Variants in SLC28A2 observed in about 807,000 individuals in gnomAD.
The protein encoded by SLC28A2 is solute carrier family 28 member 2.
SLC28A2 carries 69 observed loss-of-function variants against 72.9 expected under a neutral mutation model. The ratio of observed to expected loss-of-function variants is 0.95; its 90% CI spans 0.78 to 1.16. The LOEUF (loss-of-function observed/expected upper bound fraction) is 1.16. Among genes scored for constraint, SLC28A2 ranks in the 50% most tolerant of loss-of-function variants. The pLI is 0.00. For synonymous variants in SLC28A2, 296 were observed against 294.1 expected, an observed-to-expected ratio of 1.01 and a Z score of -0.07; for missense variants, 745 against 791.1, an observed-to-expected ratio of 0.94 and a Z score of 0.70.
chr15:45,265,477 C>G, intron 8 of SLC28A2, 106 bp from the exon 9 acceptor site: 1 of 817,594 alleles, frequency 1.2e-6, no homozygotes, highest in Non-Finnish European at 2.2e-6. Flanking sequence ...TACTGAATAC[C>G]TACACTGTAT....
At position 45,266,149 on chromosome 15, in the gene SLC28A2, C is replaced by CT. The variant is rs763764990; in HGVS notation, c.933dup (p.Val312CysfsTer21). ...AGACCCTGGCTGTGGCAGGAAACAT[C>CT]TTTGTGGGTATGGTAAGCACCTTGA... On this transcript the variant is annotated frameshift_variant, in exon 10 of 18. Coordinates refer to ENST00000347644, the MANE Select transcript of SLC28A2 (RefSeq NM_004212.4). LOFTEE classifies it high-confidence loss of function. The CT allele has an allele frequency of 9.9e-5, 160 of 1,612,870 alleles. No individual in the cohort carries two copies. Among genetic ancestry groups the CT allele is most frequent in the Non-Finnish European group, 1.2e-4 (146 of 1,178,966 alleles).
intron 7 of SLC28A2, 25 bp from the exon 8 acceptor site, chr15:45,265,064 T>C: frequency 6.4e-7 from 1 of 1,560,764 alleles, no homozygotes; most frequent in South Asian, 1.1e-5. Flanking sequence ...TCTTATTCTC[T>C]GTCTTTTTCT....
In SLC28A2 at chr15:45,277,222, T is replaced by C. The variant is rs1280121212; in HGVS notation, c.*1709T>C. 1 of 149,388 alleles carries C rather than the reference T, an allele frequency of 6.7e-6. No individual in the cohort carries two copies. Among genetic ancestry groups the C allele is most frequent in the African/African-American group, 2.4e-5 (1 of 41,010 alleles). 9.3% of individuals were successfully genotyped at this position (149,388 alleles called of 1,614,324 possible). A position where few individuals can be genotyped will look rare whatever the true frequency, so the allele number is the denominator to read the frequency against. Reference sequence around the variant, plus strand: ...TAGATATTTATTATATTTAATATTATTTATTATATTAATATTATAGCCTTA... The same window carrying C: ...TAGATATTTATTATATTTAATATTACTTATTATATTAATATTATAGCCTTA... On this transcript the variant is annotated 3_prime_UTR_variant, in exon 18 of 18. Transcript: ENST00000347644.
At chr15:45,264,975 G>T in intron 7 of SLC28A2, 114 bp from the exon 8 acceptor site, 1 of 885,890 alleles carries the variant, frequency 1.1e-6, no homozygotes, top group Non-Finnish European at 1.9e-6. Context: ...TCAAAGGGAG[G>T]CCAACCTCAG....
rs765329070 is a variant in SLC28A2 at position 45,263,141 on chromosome 15, ATCTTTGTCCTGGTTCAC to A, written c.346_362del (p.Phe116ValfsTer18). ...CTTGTTTGTCATCACCTGCTTGGTGATCTTTGTCCTGGTTCACTCGTTTTTGAAAAAGCTCCTGGGCA... is the reference window on the plus strand; with the variant it reads ...CTTGTTTGTCATCACCTGCTTGGTGATCGTTTTTGAAAAAGCTCCTGGGCA... On this transcript the variant is annotated frameshift_variant, in exon 5 of 18. Transcript: ENST00000347644. LOFTEE classifies it high-confidence loss of function. 1.3e-5 allele frequency: 21 copies of A among 1,613,880 alleles called. No homozygotes were observed. Among genetic ancestry groups the A allele is most frequent in the Non-Finnish European group, 1.6e-5 (19 of 1,179,948 alleles).
At chr15:45,253,377 C>A in intron 2 of SLC28A2, 55 bp from the exon 3 acceptor site, 1 of 1,562,072 alleles carries the variant, frequency 6.4e-7, no homozygotes, top group African/African-American at 1.3e-5. Context: ...GCTCTCAATC[C>A]CCATCATCCC....
In SLC28A2 at chr15:45,268,294, T is replaced by G. The variant is rs940907572; in HGVS notation, c.1284T>G (p.Ile428Met). 1 of 1,612,964 alleles carries G rather than the reference T, an allele frequency of 6.2e-7. No individual in the cohort carries two copies. Among genetic ancestry groups the G allele is most frequent in the Non-Finnish European group, 8.5e-7 (1 of 1,179,020 alleles). Residue 428 changes from isoleucine (I) to methionine (M), a missense_variant, in exon 13 of 18, where the codon ATT (isoleucine) becomes ATG (methionine). Ile to Met is a conservative substitution (Grantham distance 10). Transcript: ENST00000347644. The stretch of plus-strand genomic sequence containing the variant: ...CTACTAATGTAGCAGCCAACCTGAT[T>G]GCCTTTTTGGCTGTGTTGGCCTTCA... ...GLATNVAANL[I>M]AFLAVLAFIN...
chr15:45,273,795 G>C (rs1175255581), intron 17 of SLC28A2, among the ~76,000 whole-genome samples: 1 of 152,170 alleles, frequency 6.6e-6, no homozygotes, highest in African/African-American at 2.4e-5. Flanking sequence ...AGGAGGAAGA[G>C]GTGGGGTGAA....
intron 13 of SLC28A2, among the ~76,000 whole-genome samples, chr15:45,268,771 T>C (rs1900430051): frequency 6.6e-6 from 1 of 152,160 alleles, no homozygotes; most frequent in African/African-American, 2.4e-5. Context: ...CCAATCCAAA[T>C]GTCCAACAAT....
At position 45,253,290 on chromosome 15, in the gene SLC28A2, G is replaced by C; in HGVS notation, c.75G>C (p.Glu25Asp). 6.2e-7 allele frequency: 1 copy of C among 1,612,220 alleles called. No individual in the cohort carries two copies. Among genetic ancestry groups the C allele is most frequent in the Non-Finnish European group, 8.5e-7 (1 of 1,178,282 alleles). Residue 25 changes from glutamate (E) to aspartate (D), a missense_variant, in exon 2 of 18, where the codon GAG becomes GAC. Physicochemically the swap from Glu to Asp is conservative, Grantham distance 45 (BLOSUM62 2). Transcript: ENST00000347644. ...VETGTVNPGL[E>D]LMEKEVEPEG... ...CTGGCACAGTGAACCCGGGGCTGGA[G>C]CTCATGGTAATCACCAGTTTAGTTT...
At chr15:45,258,811 T>C (rs1202703711) in intron 3 of SLC28A2, among the ~76,000 whole-genome samples, 1 of 152,256 alleles carries the variant, frequency 6.6e-6, no homozygotes, top group Non-Finnish European at 1.5e-5. Context: ...AACATTTTTG[T>C]GCATGTCTTT....
intron 13 of SLC28A2, 42 bp from the exon 14 acceptor site, chr15:45,269,296 T>C: frequency 1.3e-6 from 2 of 1,552,412 alleles, no homozygotes; most frequent in Non-Finnish European, 1.8e-6. Context: ...ACCTTTGTTA[T>C]ATTAGTCCTT....
rs1205165122 is a variant in SLC28A2, at chr15:45,276,145, C to CA, written c.*633dup. 4.6e-5 allele frequency: 7 copies of CA among 152,002 alleles called. No homozygotes were observed. The highest frequency in any genetic ancestry group is 1.7e-4 in the African/African-American group (7 of 41,374). 9.4% of individuals were successfully genotyped at this position (152,002 alleles called of 1,614,324 possible). ...CACATATACACCATGGAATACTATG[C>CA]AGCCATAAAAAATGATGAGCTCATG... is the stretch of plus-strand genomic sequence containing the variant. On this transcript the variant is annotated 3_prime_UTR_variant, in exon 18 of 18. Coordinates refer to ENST00000347644, the MANE Select transcript of SLC28A2 (RefSeq NM_004212.4).
At position 45,267,810 on chromosome 15, in the gene SLC28A2, G is replaced by A; in HGVS notation, c.1199+14G>A. 1 of 1,613,660 alleles carries A rather than the reference G, an allele frequency of 6.2e-7. No individual in the cohort carries two copies. The highest frequency in any genetic ancestry group is 8.5e-7 in the Non-Finnish European group (1 of 1,179,862). ...GCTGCCCCGTGGGTGAGTCCAAGGA[G>A]GCATATACTTTGGGAGATGGTGAGC... On this transcript the variant is annotated intron_variant, in intron 12 of 17. Transcript: ENST00000347644.
intron 17 of SLC28A2, among the ~76,000 whole-genome samples, chr15:45,274,720 C>T (rs1900695017): frequency 6.6e-6 from 1 of 151,410 alleles, no homozygotes; most frequent in Non-Finnish European, 1.5e-5. Context: ...CTGGATTCAT[C>T]ATTGCTCTGG....
In SLC28A2 at chr15:45,267,441, C is replaced by G; in HGVS notation, c.943-14C>G. 6.2e-7 allele frequency: 1 copy of G among 1,614,016 alleles called. No homozygotes were observed. The highest frequency in any genetic ancestry group is 8.5e-7 in the Non-Finnish European group (1 of 1,179,926). On this transcript the variant is annotated splice_polypyrimidine_tract_variant and intron_variant, in intron 10 of 17. Transcript: ENST00000347644. ...CACCTTCTTGGAATCTGACTGTTTTCTCCGTGTTTGTAGACAGAGGCACCT... is the reference window on the plus strand; with the variant it reads ...CACCTTCTTGGAATCTGACTGTTTTGTCCGTGTTTGTAGACAGAGGCACCT...
intron 10 of SLC28A2, among the ~76,000 whole-genome samples, chr15:45,266,626 C>G (rs1161397102): frequency 6.6e-6 from 1 of 152,192 alleles, no homozygotes; most frequent in Non-Finnish European, 1.5e-5. Flanking sequence ...GGAGTAGGTG[C>G]TCCATATGTG....
chr15:45,272,904 G>T, intron 17 of SLC28A2, 120 bp downstream of exon 17: 2 of 611,702 alleles, frequency 3.3e-6, no homozygotes, highest in Non-Finnish European at 3.0e-6. Context: ...CTAGATCAGT[G>T]TTCTTTTCTC....
chr15:45,257,562 C>T (rs1900013139), intron 3 of SLC28A2, among the ~76,000 whole-genome samples: 1 of 152,124 alleles, frequency 6.6e-6, no homozygotes, highest in Non-Finnish European at 1.5e-5. Flanking sequence ...GTAATTTCTT[C>T]ATGTGTACAT....
Sources: gnomAD v4.1 joint callset for allele counts (sites outside exome capture counted in the v4.1 genomes callset) on GRCh38, gnomAD v4.1.1 for gene constraint, MANE v1.5 for transcripts, NCBI Gene and HGNC (gene_info 2026-07-23, HGNC 2026-07-21) for gene names.